HK2: variants seen among roughly 807,000 people sequenced by gnomAD.
HK2 encodes hexokinase 2.
Under a neutral mutation model 92.9 loss-of-function variants are expected in HK2, and 42 were observed. The ratio of observed to expected loss-of-function variants is 0.45; its 90% CI spans 0.35 to 0.58. The LOEUF is 0.58. Ranked by LOEUF, HK2 falls within the 20% of genes least tolerant of loss-of-function variation. HK2 has a pLI of 0.00. For missense variants in HK2, 978 were observed against 1,245.1 expected, an observed-to-expected ratio of 0.79 and a Z score of 3.23; for synonymous variants, 422 against 468.0, an observed-to-expected ratio of 0.90 and a Z score of 1.27.
intron 1 of HK2, among the ~76,000 whole-genome samples, chr2:74,849,859 T>G (rs940788224): frequency 1.3e-5 from 2 of 152,222 alleles, no homozygotes; most frequent in Non-Finnish European, 2.9e-5. Flanking sequence ...CCACTAGGAT[T>G]TGCATACTGG....
At chr2:74,846,605 G>C (rs1688445578) in intron 1 of HK2, among the ~76,000 whole-genome samples, 1 of 152,254 alleles carries the variant, frequency 6.6e-6, no homozygotes, top group African/African-American at 2.4e-5. Flanking sequence ...GTTGCATGTA[G>C]TGGTAGGTGG....
At chr2:74,851,237 A>G (rs1688559367) in intron 1 of HK2, among the ~76,000 whole-genome samples, 1 of 152,200 alleles carries the variant, frequency 6.6e-6, no homozygotes, top group Admixed American at 6.5e-5. Flanking sequence ...TATAAAACGG[A>G]GGTGCAGAAG....
chr2:74,889,000 C>T (rs28363056), intron 16 of HK2, among the ~76,000 whole-genome samples: 15 of 152,186 alleles, frequency 9.9e-5, no homozygotes, highest in Non-Finnish European at 1.5e-5. Flanking sequence ...TAGTAATGGT[C>T]TATCTGGAGT....
chr2:74,858,084 T>C (rs1004216721), intron 2 of HK2, among the ~76,000 whole-genome samples: 1 of 152,202 alleles, frequency 6.6e-6, no homozygotes, highest in South Asian at 2.1e-4. Context: ...TTTAAATCCA[T>C]AGCTTTCTAA....
chr2:74,846,293 CT>C (rs1313881896), intron 1 of HK2, among the ~76,000 whole-genome samples: 5 of 148,162 alleles, frequency 3.4e-5, no homozygotes, highest in Non-Finnish European at 7.4e-5. Context: ...AGTGGGTAAA[CT>C]TGGGCCAAGT....
rs930686042 is a variant in HK2 at position 74,873,954 on chromosome 2, A to T, written c.691+11A>T. ...TTGGTCTCATTGTGGGTGAGTGAAC[A>T]CCGTGCATGAAGGGCCCGTGCTGGC... On this transcript the variant is annotated intron_variant, in intron 6 of 17. Coordinates refer to ENST00000290573, the MANE Select transcript of HK2 (RefSeq NM_000189.5). The T allele has an allele frequency of 1.2e-6, 2 of 1,600,562 alleles. No homozygotes were observed. The highest frequency in any genetic ancestry group is 1.7e-6 in the Non-Finnish European group (2 of 1,167,790).
intron 3 of HK2, among the ~76,000 whole-genome samples, chr2:74,871,998 T>A (rs1408811541): frequency 6.6e-6 from 1 of 152,202 alleles, no homozygotes; most frequent in Non-Finnish European, 1.5e-5. Flanking sequence ...TGGCCATGAT[T>A]TCCCCTACCT....
intron 12 of HK2, among the ~76,000 whole-genome samples, chr2:74,885,190 T>C (rs902585595): frequency 5.9e-5 from 9 of 152,174 alleles, no homozygotes; most frequent in Non-Finnish European, 1.0e-4. Flanking sequence ...CTTGAGCAAG[T>C]CACTCCAGAG....
intron 1 of HK2, among the ~76,000 whole-genome samples, chr2:74,842,529 C>CA (rs1323586287): frequency 6.6e-6 from 1 of 152,064 alleles, no homozygotes; most frequent in African/African-American, 2.4e-5. Context: ...TGGACAGGAG[C>CA]AAAAAGAGGC....
At chr2:74,870,356 C>T (rs1309741584) in intron 3 of HK2, among the ~76,000 whole-genome samples, 1 of 152,100 alleles carries the variant, frequency 6.6e-6, no homozygotes, top group Non-Finnish European at 1.5e-5. Context: ...TGGCCAGTGG[C>T]TACTATATTG....
chr2:74,843,176 TCA>T (rs1688356694), intron 1 of HK2, among the ~76,000 whole-genome samples: 1 of 152,162 alleles, frequency 6.6e-6, no homozygotes, highest in Admixed American at 6.5e-5. Flanking sequence ...ATGGCCATTC[TCA>T]CATTCTTTCG....
intron 17 of HK2, among the ~76,000 whole-genome samples, chr2:74,890,306 ACT>A (rs1244868400): frequency 6.6e-6 from 1 of 152,044 alleles, no homozygotes; most frequent in Non-Finnish European, 1.5e-5. Flanking sequence ...CCTAGCAGTG[ACT>A]CTGTAAGTCT....
intron 7 of HK2, 123 bp from the exon 8 acceptor site, chr2:74,877,043 G>T: frequency 7.6e-7 from 1 of 1,315,714 alleles, no homozygotes; most frequent in Admixed American, 1.7e-5. Flanking sequence ...TTACTCCTGG[G>T]CCGTGCTGCA....
chr2:74,881,644 A>T, intron 10 of HK2, 67 bp from the exon 11 acceptor site: 1 of 1,517,844 alleles, frequency 6.6e-7, no homozygotes, highest in Non-Finnish European at 9.1e-7. Context: ...GGATCGTTTT[A>T]AGTGTACTGT....
intron 5 of HK2, 108 bp from the exon 6 acceptor site, chr2:74,873,736 A>C: frequency 1.5e-6 from 1 of 685,490 alleles, no homozygotes. Context: ...GGGAGGGGGG[A>C]GAGAGAGAGA....
chr2:74,891,056 G>T lies in HK2; in HGVS notation c.*115G>T, dbSNP rs1401613908. ...CCCTTGGCTTTTGCTTGGCAGAGAGGACCCCACTGGACTGGGTTTTGTCTC... is the reference window on the plus strand; with the variant it reads ...CCCTTGGCTTTTGCTTGGCAGAGAGTACCCCACTGGACTGGGTTTTGTCTC... On this transcript the variant is annotated 3_prime_UTR_variant, in exon 18 of 18. Transcript: ENST00000290573. 1.2e-5 allele frequency: 14 copies of T among 1,211,290 alleles called. No individual in the cohort carries two copies. In the East Asian group the frequency reaches 3.3e-4, roughly 29 times the overall value. The allele number at this position is 1,211,290 out of a possible 1,614,324, so 75.0% of individuals were successfully genotyped here.
At chr2:74,855,379 C>CTTT (rs1376161325) in intron 2 of HK2, among the ~76,000 whole-genome samples, 3 of 152,026 alleles carry the variant, frequency 2.0e-5, no homozygotes, top group Non-Finnish European at 4.4e-5. Flanking sequence ...ATACAGAGTA[C>CTTT]TTTTTTTTGA....
At chr2:74,889,211 T>C (rs1558807277) in intron 16 of HK2, 34 bp from the exon 17 acceptor site, 2 of 1,563,170 alleles carry the variant, frequency 1.3e-6, no homozygotes, top group Non-Finnish European at 8.8e-7. Context: ...TCTTGGTGCA[T>C]GACTGAACAC....
chr2:74,881,074 A>ATTG (rs1042753803), intron 10 of HK2, among the ~76,000 whole-genome samples: 66 of 151,666 alleles, frequency 4.4e-4, no homozygotes, highest in Non-Finnish European at 8.5e-4. Context: ...ATAAGGTTTT[A>ATTG]TTACACAGCC....
Sources: allele counts gnomAD v4.1 joint callset (sites outside exome capture counted in the v4.1 genomes callset), GRCh38; gene constraint gnomAD v4.1.1; transcripts MANE v1.5; gene names NCBI Gene and HGNC (gene_info 2026-07-23, HGNC 2026-07-21).